The following NBPF3 variants were observed in gnomAD, a reference collection of about 807,000 sequenced individuals.
NBPF3 encodes the protein NBPF member 3, also known as NBPF family member NBPF3.
In NBPF3, 57 loss-of-function variants were observed where a neutral mutation model predicts 78.1. That is an observed-to-expected ratio of 0.73 (90% CI 0.59 to 0.91). The LOEUF (loss-of-function observed/expected upper bound fraction) is 0.91, where lower values mean the gene tolerates loss of function less well. Among genes scored for constraint, NBPF3 ranks in the 40% least tolerant of loss-of-function variants. NBPF3 has a pLI of 0.00. For synonymous variants in NBPF3, 182 were observed against 271.7 expected (o/e 0.67, Z 3.25); for missense variants, 510 against 715.3 (o/e 0.71, Z 3.27).
chr1:21,456,734 A>G (rs1348189549), intron 2 of NBPF3, among the ~76,000 whole-genome samples: 1 of 152,216 alleles, frequency 6.6e-6, no homozygotes, highest in East Asian at 1.9e-4. Flanking sequence ...TTAAGGGTAG[A>G]TTTGAAAAAA....
chr1:21,444,912 C>G, intron 1 of NBPF3, 36 bp from the exon 2 acceptor site: 1 of 642,956 alleles, frequency 1.6e-6, no homozygotes, highest in Non-Finnish European at 2.5e-6. Context: ...CCCCAAATCT[C>G]AATGTTAACC....
intron 2 of NBPF3, among the ~76,000 whole-genome samples, chr1:21,448,925 A>G (rs1641144154): frequency 6.6e-6 from 1 of 152,224 alleles, no homozygotes; most frequent in Non-Finnish European, 1.5e-5. Context: ...ATGACTGCCT[A>G]GCTCTTTCCA....
chr1:21,472,784 G>T, intron 5 of NBPF3, 59 bp from the exon 6 acceptor site: 1 of 1,215,836 alleles, frequency 8.2e-7, no homozygotes, highest in South Asian at 1.2e-5. Flanking sequence ...ACATTCGGCT[G>T]ACTGTGCTTG....
At chr1:21,462,510 A>G (rs978353942) in intron 2 of NBPF3, among the ~76,000 whole-genome samples, 3 of 152,252 alleles carry the variant, frequency 2.0e-5, no homozygotes, top group Non-Finnish European at 4.4e-5. Flanking sequence ...GATGGAAAGT[A>G]GATAACAAAT....
intron 4 of NBPF3, 38 bp from the exon 5 acceptor site, chr1:21,471,531 C>G (rs1180364335): frequency 6.2e-7 from 1 of 1,611,558 alleles, no homozygotes; most frequent in Non-Finnish European, 8.5e-7. Context: ...TCACTCATCC[C>G]TTTCCACTGT....
At chr1:21,449,610 A>G (rs1276525998) in intron 2 of NBPF3, among the ~76,000 whole-genome samples, 1 of 152,046 alleles carries the variant, frequency 6.6e-6, no homozygotes, top group Non-Finnish European at 1.5e-5. Flanking sequence ...AGCTGCGATT[A>G]CAGGCACCTG....
intron 10 of NBPF3, 50 bp downstream of exon 10, chr1:21,479,450 T>G (rs1330498443): frequency 3.3e-6 from 5 of 1,531,076 alleles, no homozygotes; most frequent in Admixed American, 1.7e-5. Flanking sequence ...CACCTGGAGA[T>G]GCCAAGTCCG....
chr1:21,444,750 G>A (rs977267751), intron 1 of NBPF3, among the ~76,000 whole-genome samples, 198 bp from the exon 2 acceptor site: 2 of 151,890 alleles, frequency 1.3e-5, no homozygotes, highest in East Asian at 1.9e-4. Context: ...TTTCCAAGAC[G>A]GGGTCTTACT....
At chr1:21,473,050 C>A in intron 6 of NBPF3, 135 bp downstream of exon 6, 2 of 760,462 alleles carry the variant, frequency 2.6e-6, no homozygotes, top group East Asian at 2.5e-5. Flanking sequence ...CTCAAGCCAG[C>A]TTGGACACAG....
rs776782554 is a variant in NBPF3 at position 21,474,887 on chromosome 1, A to C, written c.941-13A>C. 52 of 1,597,808 alleles carry C rather than the reference A, an allele frequency of 3.3e-5. No individual in the cohort carries two copies. The East Asian group carries it at 1.2e-3, about 36-fold the overall frequency. On this transcript the variant is annotated splice_polypyrimidine_tract_variant and intron_variant, in intron 7 of 14. Coordinates refer to ENST00000318249, the MANE Select transcript of NBPF3 (RefSeq NM_032264.6). ...TTGCTTAATGTGACCTGCTTCTCTG[A>C]ATTTATTTCCAGAAAATGAAAGTGA...
upstream of NBPF3, among the ~76,000 whole-genome samples, chr1:21,438,212 A>G (rs1383246231): frequency 6.7e-6 from 1 of 150,144 alleles, no homozygotes; most frequent in African/African-American, 2.5e-5. Flanking sequence ...TCCTGGGTTC[A>G]AGCAATTCTC....
chr1:21,468,757 A>G lies in NBPF3; in HGVS notation c.203A>G (p.Lys68Arg). ...VVSAGPWSGE[K>R]AEMNILEINK... is the part of the protein sequence containing the mutation. ...TCTGCCGGCCCTTGGTCCGGTGAGA[A>G]GGCAGAGATGAACATTCTAGAAATC... The change falls in exon 3 of 15, where the codon AAG (lysine) becomes AGG (arginine). Residue 68 changes from lysine (K) to arginine (R), a missense_variant. By Grantham distance (26) the Lys-to-Arg change is conservative. Transcript: ENST00000318249. 6.2e-7 allele frequency: 1 copy of G among 1,613,784 alleles called. No individual in the cohort carries two copies. Among genetic ancestry groups the G allele is most frequent in the Non-Finnish European group, 8.5e-7 (1 of 1,179,732 alleles).
intron 1 of NBPF3, among the ~76,000 whole-genome samples, chr1:21,441,142 G>A (rs528918841): frequency 6.6e-6 from 1 of 152,226 alleles, no homozygotes; most frequent in South Asian, 2.1e-4. Context: ...CTTTTCTTTG[G>A]GTTACGGTGT....
intron 12 of NBPF3, 89 bp from the exon 13 acceptor site, chr1:21,481,508 C>T (rs1643226611): frequency 4.2e-6 from 6 of 1,442,802 alleles, no homozygotes; most frequent in South Asian, 2.7e-5. Context: ...CTTTTTTAAC[C>T]ACTTCCTAAT....
chr1:21,461,789 A>G (rs1641964814), intron 2 of NBPF3, among the ~76,000 whole-genome samples: 1 of 152,252 alleles, frequency 6.6e-6, no homozygotes, highest in Non-Finnish European at 1.5e-5. Flanking sequence ...TATGAAGCAC[A>G]TGATCAAGCA....
In NBPF3 at chr1:21,473,533, C is replaced by T; in HGVS notation, c.888C>T (p.Leu296=). The change falls in exon 7 of 15, where the codon CTC becomes CTT. Residue 296 remains leucine, a synonymous_variant. Coordinates refer to ENST00000318249, the MANE Select transcript of NBPF3 (RefSeq NM_032264.6). ...AGGAAGACCAAGTCGACTCAACTCT[C>T]ATTGACTCATCCTCTCATGATGAAT... ...TFEEDQVDST[L]IDSSSHDEWL... 2 of 1,614,216 alleles carry T rather than the reference C, an allele frequency of 1.2e-6. No individual in the cohort carries two copies. The highest frequency in any genetic ancestry group is 1.7e-6 in the Non-Finnish European group (2 of 1,180,034).
chr1:21,466,735 C>CA (rs3053491), intron 2 of NBPF3, among the ~76,000 whole-genome samples: 77 of 148,108 alleles, frequency 5.2e-4, no homozygotes, highest in African/African-American at 9.5e-4. Context: ...TCACAAAAAC[C>CA]AAAAAAAAAA....
intron 12 of NBPF3, 72 bp from the exon 13 acceptor site, chr1:21,481,525 C>T (rs1394802416): frequency 1.3e-6 from 2 of 1,490,286 alleles, no homozygotes; most frequent in African/African-American, 2.9e-5. Context: ...TAATGCTACC[C>T]ATGAAATCTA....
chr1:21,459,905 G>T, intron 2 of NBPF3: 2 of 211,042 alleles, frequency 9.5e-6, no homozygotes, highest in South Asian at 1.8e-4. Flanking sequence ...GCCTATTCAC[G>T]AAAAAGCTTG....
Sources: allele counts gnomAD v4.1 joint callset (sites outside exome capture counted in the v4.1 genomes callset), GRCh38; gene constraint gnomAD v4.1.1; transcripts MANE v1.5; gene names NCBI Gene and HGNC (gene_info 2026-07-23, HGNC 2026-07-21).